The following NAPA variants were observed in gnomAD, a reference collection of about 807,000 sequenced individuals.
NAPA encodes alpha-soluble NSF attachment protein.
A neutral mutation model predicts 48.0 loss-of-function variants in NAPA; 18 were observed. That is an observed-to-expected ratio of 0.38 (90% confidence interval 0.26 to 0.56). NAPA has a LOEUF of 0.56. Among genes scored for constraint, NAPA ranks in the 20% least tolerant of loss-of-function variants. The probability of loss-of-function intolerance (pLI) is 0.77; values close to 1 mark genes in which losing one functional copy is unlikely to be tolerated. For synonymous variants in NAPA, 152 were observed against 149.9 expected (o/e 1.01, Z -0.10); for missense variants, 315 against 385.0 (o/e 0.82, Z 1.52).
rs776330770 is a variant in NAPA at position 47,489,718 on chromosome 19, G to T, written c.779C>A (p.Thr260Asn). Residue 260 changes from threonine (T) to asparagine (N), a missense_variant, in exon 10 of 11, where the codon ACC becomes AAC. Coordinates refer to ENST00000263354, the MANE Select transcript of NAPA (RefSeq NM_003827.4). The part of the protein sequence containing the change: ...AHEEQNVDSY[T>N]ESVKEYDSIS... ...CCCATGCTGGCCACTCACCGACTCG[G>T]TGTAGCTGTCCACATTCTGCTCCTC... The T allele has an allele frequency of 1.9e-6, 3 of 1,614,070 alleles. No individual in the cohort carries two copies. The highest frequency in any genetic ancestry group is 4.5e-5 in the East Asian group (2 of 44,880).
At chr19:47,495,437 C>T in intron 4 of NAPA, 113 bp downstream of exon 4, 5 of 1,214,142 alleles carry the variant, frequency 4.1e-6, no homozygotes, top group Non-Finnish European at 6.0e-6. Flanking sequence ...TCCCCCTCCC[C>T]AAGTGGTTTG....
At position 47,509,474 on chromosome 19, in the gene NAPA, G is replaced by C. The variant is rs749646593; in HGVS notation, c.98+5369C>G. Among the ~76,000 whole-genome samples, 211 of 152,264 alleles carry C rather than the reference G, an allele frequency of 1.4e-3. 3 individuals are homozygous for C. Among genetic ancestry groups the C allele is most frequent in the Non-Finnish European group, 6.3e-4 (43 of 68,028 alleles). ...AACTAGGCATAAGACTCCACACCTT[G>C]CAGGGCTGCTGAAGCACGAGCAATC... is the stretch of plus-strand genomic sequence containing the variant. On this transcript the variant is annotated intron_variant, in intron 1 of 10. Coordinates refer to ENST00000263354, the MANE Select transcript of NAPA (RefSeq NM_003827.4).
chr19:47,496,836 G>A (rs1387706408), intron 3 of NAPA: 14 of 455,878 alleles, frequency 3.1e-5, no homozygotes, highest in Middle Eastern at 3.3e-4. Context: ...TAAACAGTGG[G>A]GTCCATAAGC....
At chr19:47,494,092 G>C (rs1968353262) in intron 4 of NAPA, among the ~76,000 whole-genome samples, 1 of 152,184 alleles carries the variant, frequency 6.6e-6, no homozygotes, top group Non-Finnish European at 1.5e-5. Context: ...CTCTGCACCA[G>C]GGGCTGGTCC....
At chr19:47,491,924 G>T in intron 8 of NAPA, 91 bp downstream of exon 8, 2 of 1,131,412 alleles carry the variant, frequency 1.8e-6, no homozygotes, top group Non-Finnish European at 2.6e-6. Context: ...TGAGGGAGGA[G>T]CACGTCCCTC....
downstream of NAPA, among the ~76,000 whole-genome samples, chr19:47,487,219 G>A (rs1283008012): frequency 6.6e-6 from 1 of 152,202 alleles, no homozygotes; most frequent in Non-Finnish European, 1.5e-5. Context: ...TGGAACAACT[G>A]TCACCGGGGC....
intron 1 of NAPA, chr19:47,512,909 G>A (rs1968832543): frequency 1.3e-5 from 2 of 152,324 alleles, no homozygotes; most frequent in South Asian, 2.1e-4. Flanking sequence ...TCCTACCACA[G>A]TCTCTTCCCA....
At chr19:47,494,742 A>AG (rs1968373576) in intron 4 of NAPA, among the ~76,000 whole-genome samples, 1 of 143,632 alleles carries the variant, frequency 7.0e-6, no homozygotes, top group Admixed American at 7.2e-5. Context: ...TCTCAAAAAA[A>AG]AAAAAAAAAA....
intron 1 of NAPA, among the ~76,000 whole-genome samples, chr19:47,508,723 G>A (rs947725185): frequency 1.3e-5 from 2 of 151,598 alleles, no homozygotes; most frequent in Admixed American, 1.3e-4. Flanking sequence ...CACTGGTCTC[G>A]AACTCCTGGG....
At chr19:47,512,426 G>C (rs1271002688) in intron 1 of NAPA, among the ~76,000 whole-genome samples, 1 of 152,102 alleles carries the variant, frequency 6.6e-6, no homozygotes, top group Non-Finnish European at 1.5e-5. Context: ...CCTTACAGTA[G>C]GTAATTCCAC....
intron 8 of NAPA, 27 bp downstream of exon 8, chr19:47,491,988 T>C: frequency 6.3e-7 from 1 of 1,598,870 alleles, no homozygotes; most frequent in South Asian, 1.1e-5. Context: ...CCTGGTGCGG[T>C]GGTCCTGCGG....
At chr19:47,494,635 G>T (rs1181171231) in intron 4 of NAPA, among the ~76,000 whole-genome samples, 1 of 151,708 alleles carries the variant, frequency 6.6e-6, no homozygotes, top group Non-Finnish European at 1.5e-5. Flanking sequence ...CTACTCGAGA[G>T]GCTAGGGCAC....
chr19:47,495,361 G>A (rs920847581), intron 4 of NAPA, 189 bp downstream of exon 4: 23 of 649,132 alleles, frequency 3.5e-5, no homozygotes, highest in Non-Finnish European at 6.0e-5. Context: ...CAGGCTGGTG[G>A]GGAGCTGGGT....
At chr19:47,497,070 A>G in intron 3 of NAPA, 1 of 271,444 alleles carries the variant, frequency 3.7e-6, no homozygotes, top group South Asian at 3.1e-5. Context: ...TACATCCTGT[A>G]ATCGGCGGAC....
Position 47,490,665 on chromosome 19 carries a change from C to CAAAACAA in NAPA, c.735+116_735+122dup, listed in dbSNP as rs1352632996. The CAAAACAA allele has an allele frequency of 3.9e-5, 32 of 827,570 alleles. 1 individual carries two copies. Among genetic ancestry groups the CAAAACAA allele is most frequent in the Non-Finnish European group, 5.6e-5 (30 of 538,088 alleles). The allele number at this position is 827,570 out of a possible 1,614,324, so 51.3% of individuals were successfully genotyped here. ...AATGGCCAAACAAAACAAAACAAAA[C>CAAAACAA]AAAACAAAACAAAGACACCCTCTGA... On this transcript the variant is annotated intron_variant, in intron 9 of 10. Coordinates refer to ENST00000263354, the MANE Select transcript of NAPA (RefSeq NM_003827.4).
chr19:47,493,505 A>G lies in NAPA; in HGVS notation c.343-12T>C. The stretch of plus-strand genomic sequence containing the variant: ...ATCGTGAATCGGCCCTGGAGGGGAC[A>G]CAGGAAGGGGCTGCCTGCGACTCAT... On this transcript the variant is annotated splice_polypyrimidine_tract_variant and intron_variant, in intron 4 of 10. Coordinates refer to ENST00000263354, the MANE Select transcript of NAPA (RefSeq NM_003827.4). This position sits in a 1 kb window ranked among gnomAD's most constrained non-coding sequence, Gnocchi z 6.4. 3 of 1,613,262 alleles carry G rather than the reference A, an allele frequency of 1.9e-6. No individual in the cohort carries two copies. Among genetic ancestry groups the G allele is most frequent in the East Asian group, 2.2e-5 (1 of 44,870 alleles).
intron 3 of NAPA, among the ~76,000 whole-genome samples, chr19:47,499,688 A>T (rs188054629): frequency 6.4e-4 from 98 of 152,250 alleles, no homozygotes; most frequent in African/African-American, 2.3e-3. Context: ...ATTCATCCTC[A>T]TCTGGGAACT....
chr19:47,500,156 TTC>T (rs149136686), intron 3 of NAPA, among the ~76,000 whole-genome samples: 4 of 152,318 alleles, frequency 2.6e-5, no homozygotes, highest in Non-Finnish European at 4.4e-5. Flanking sequence ...TCGGGCTCTG[TTC>T]TCTCTAATTC....
In NAPA at chr19:47,500,744, C is replaced by T. The variant is rs1968556300; in HGVS notation, c.184G>A (p.Gly62Arg). ...FKMAKNWSAA[G>R]NAFCQAAQLH... ...TGTGCAGCCTGGCAGAACGCGTTTC[C>T]AGCAGCTGGAACAGAAGAGAAGGGC... Residue 62 changes from glycine (G) to arginine (R), a missense_variant, in exon 3 of 11, where the codon GGA (glycine) becomes AGA (arginine). Physicochemically the swap from Gly to Arg is moderately radical, Grantham distance 125 (BLOSUM62 -2). Coordinates refer to ENST00000263354, the MANE Select transcript of NAPA (RefSeq NM_003827.4). 1 of 1,603,862 alleles carries T rather than the reference C, an allele frequency of 6.2e-7. No individual in the cohort carries two copies. Among genetic ancestry groups the T allele is most frequent in the Non-Finnish European group, 8.5e-7 (1 of 1,174,970 alleles).
Sources: allele counts gnomAD v4.1 joint callset (sites outside exome capture counted in the v4.1 genomes callset), GRCh38; gene constraint gnomAD v4.1.1; non-coding constraint Gnocchi (gnomAD v3.1); transcripts MANE v1.5; gene names NCBI Gene and HGNC (gene_info 2026-07-23, HGNC 2026-07-21).